The following CTTNBP2 variants were observed in gnomAD, a reference collection of about 807,000 sequenced individuals.
CTTNBP2 encodes cortactin-binding protein 2.
In CTTNBP2, 108 loss-of-function variants were observed where a neutral mutation model predicts 156.9. That is an observed-to-expected ratio of 0.69 (90% CI 0.59 to 0.81). CTTNBP2 has a LOEUF of 0.81. CTTNBP2 is among the 30% of genes least tolerant of loss of function. CTTNBP2 has a pLI of 0.00. For missense variants in CTTNBP2, 1,924 were observed against 2,035.4 expected, an observed-to-expected ratio of 0.95 and a Z score of 1.05; for synonymous variants, 767 against 751.8, an observed-to-expected ratio of 1.02 and a Z score of -0.33.
intron 22 of CTTNBP2, among the ~76,000 whole-genome samples, chr7:117,717,199 T>C (rs979998059): frequency 3.3e-5 from 5 of 152,202 alleles, no homozygotes; most frequent in African/African-American, 1.2e-4. Flanking sequence ...ATGGAAGCTA[T>C]TTCAAAAGGT....
intron 22 of CTTNBP2, among the ~76,000 whole-genome samples, chr7:117,712,599 G>GTAA (rs1161237152): frequency 1.3e-5 from 2 of 152,140 alleles, no homozygotes; most frequent in African/African-American, 2.4e-5. Flanking sequence ...CTCTTCAAAA[G>GTAA]TAATAATGCA....
At chr7:117,802,437 CAAAAAAAAAAA>C (rs759797673) in intron 3 of CTTNBP2, among the ~76,000 whole-genome samples, 246 of 83,778 alleles carry the variant, frequency 2.9e-3, no homozygotes, top group African/African-American at 7.6e-3. Flanking sequence ...TCAGCATTGG[CAAAAAAAAAAA>C]AAAAAAAAAC....
In CTTNBP2 at chr7:117,810,964, T is replaced by C. The variant is rs754572212; in HGVS notation, c.215A>G (p.Gln72Arg). ...TAGATTAAATCTCCCATACCGTTCC[T>C]GGATAAATACCTCCTTCCTGCGAGC... The part of the protein sequence containing the change: ...LRARRKEVFI[Q>R]ERYGRFNLND... Residue 72 changes from glutamine to arginine, a missense_variant, in exon 3 of 23, where the codon CAG (glutamine) becomes CGG (arginine). Gln to Arg is a conservative substitution (Grantham distance 43, BLOSUM62 1). Coordinates refer to ENST00000160373, the MANE Select transcript of CTTNBP2 (RefSeq NM_033427.3). The C allele has an allele frequency of 6.8e-6, 11 of 1,613,828 alleles. No individual in the cohort carries two copies. In the East Asian group the frequency reaches 1.3e-4, roughly 20 times the overall value.
chr7:117,757,678 G>T (rs1796963196), intron 11 of CTTNBP2, among the ~76,000 whole-genome samples, 197 bp downstream of exon 11: 1 of 152,076 alleles, frequency 6.6e-6, no homozygotes. Flanking sequence ...ACATTACCAT[G>T]GGTGTCAAGA....
At chr7:117,801,906 A>AT (rs201517444) in intron 3 of CTTNBP2, among the ~76,000 whole-genome samples, 3,534 of 152,006 alleles carry the variant, frequency 0.023, 63 homozygotes, top group African/African-American at 0.034. Context: ...TATTTTTTTT[A>AT]TTTTTTTATT....
Position 117,787,300 on chromosome 7 carries a change from T to A in CTTNBP2, c.2069-2846A>T, listed in dbSNP as rs190759622. ...TTGCAGTGTCATACGCAAACATTAG[T>A]AAGGTGAGCATCCTGCACAACATGC... On this transcript the variant is annotated intron_variant, in intron 4 of 22. Coordinates refer to ENST00000160373, the MANE Select transcript of CTTNBP2 (RefSeq NM_033427.3). Among the ~76,000 whole-genome samples, 194 of 152,200 alleles carry A rather than the reference T, an allele frequency of 1.3e-3. 2 individuals are homozygous for A. Among genetic ancestry groups the A allele is most frequent in the Non-Finnish European group, 2.1e-3 (144 of 68,002 alleles).
Position 117,760,513 on chromosome 7 carries a change from G to C in CTTNBP2, c.3094C>G (p.Leu1032Val), listed in dbSNP as rs904462705. The change falls in exon 10 of 23, where the codon CTG becomes GTG. Residue 1032 changes from leucine to valine, a missense_variant. Physicochemically the swap from Leu to Val is conservative, Grantham distance 32 (BLOSUM62 1). Coordinates refer to ENST00000160373, the MANE Select transcript of CTTNBP2 (RefSeq NM_033427.3). ...GTGTTATTGCAAGTCACGTCTTCCA[G>C]ACTCCACCATCCATCAGAAGAGATT... Reference protein sequence around the residue: ...QAISSDGWWSLEDVTCNNTTD... With the variant: ...QAISSDGWWSVEDVTCNNTTD... 2 of 1,614,134 alleles carry C rather than the reference G, an allele frequency of 1.2e-6. No homozygotes were observed.
Position 117,736,055 on chromosome 7 carries a change from C to T in CTTNBP2, c.3536-634G>A, listed in dbSNP as rs34312065. Among the ~76,000 whole-genome samples the T allele has an allele frequency of 9.9e-3, 1,504 of 152,284 alleles. 12 individuals carry two copies. The highest frequency in any genetic ancestry group is 0.028 in the South Asian group (137 of 4,830). ...ATTTTATTTTAAATTATTAATTAAT[C>T]TGTAAACATAAGTAGTATATATTTT... On this transcript the variant is annotated intron_variant, in intron 14 of 22. Coordinates refer to ENST00000160373, the MANE Select transcript of CTTNBP2 (RefSeq NM_033427.3).
intron 2 of CTTNBP2, among the ~76,000 whole-genome samples, chr7:117,813,648 C>T (rs1337195727): frequency 6.6e-6 from 1 of 152,158 alleles, no homozygotes; most frequent in African/African-American, 2.4e-5. Context: ...GCGTCTATCT[C>T]TCCTTCACGT....
At chr7:117,845,525 T>C (rs1802532240) in intron 2 of CTTNBP2, among the ~76,000 whole-genome samples, 1 of 152,178 alleles carries the variant, frequency 6.6e-6, no homozygotes, top group Admixed American at 6.5e-5. Context: ...AAAAAGGATA[T>C]CTTAAATAGC....
At chr7:117,815,228 T>C (rs2116992223) in intron 2 of CTTNBP2, among the ~76,000 whole-genome samples, 1 of 152,298 alleles carries the variant, frequency 6.6e-6, no homozygotes, top group South Asian at 2.1e-4. Flanking sequence ...TCTATCAAGC[T>C]TATAAATTAG....
chr7:117,834,327 T>A (rs1427714722), intron 2 of CTTNBP2, among the ~76,000 whole-genome samples: 1 of 152,182 alleles, frequency 6.6e-6, no homozygotes, highest in African/African-American at 2.4e-5. Context: ...AGTGCTGGGA[T>A]TACAGGTGTG....
chr7:117,771,127 T>C (rs1428715613), intron 8 of CTTNBP2, among the ~76,000 whole-genome samples: 1 of 152,076 alleles, frequency 6.6e-6, no homozygotes, highest in African/African-American at 2.4e-5. Flanking sequence ...AGGGATCCGT[T>C]ACTATGGACC....
chr7:117,721,254 A>G (rs1166887025), intron 19 of CTTNBP2, 124 bp from the exon 20 acceptor site: 2 of 656,786 alleles, frequency 3.0e-6, no homozygotes, highest in East Asian at 2.7e-5. Flanking sequence ...AGTATCCAGG[A>G]TTTGAGGAGA....
chr7:117,867,342 C>CCAGAAATCTCTTGTTCTCGCCAT (rs1804268490), intron 1 of CTTNBP2, among the ~76,000 whole-genome samples: 1 of 152,124 alleles, frequency 6.6e-6, no homozygotes, highest in Non-Finnish European at 1.5e-5. Context: ...TTTCCAGACT[C>CCAGAAATCTCTTGTTCTCGCCAT]CAGAAATCTC....
chr7:117,733,809 C>T (rs1365732152), intron 16 of CTTNBP2, among the ~76,000 whole-genome samples: 1 of 152,198 alleles, frequency 6.6e-6, no homozygotes, highest in Non-Finnish European at 1.5e-5. Context: ...AGCACAAATG[C>T]GTACACATAC....
chr7:117,782,383 T>G (rs951902349), intron 6 of CTTNBP2, among the ~76,000 whole-genome samples: 2 of 152,184 alleles, frequency 1.3e-5, no homozygotes, highest in Admixed American at 1.3e-4. Context: ...TATGTAAAAT[T>G]CATGCTTCCA....
chr7:117,848,218 G>A lies in CTTNBP2; in HGVS notation c.189+12991C>T, dbSNP rs182068114. Among the ~76,000 whole-genome samples the A allele has an allele frequency of 5.9e-5, 9 of 152,230 alleles. No individual in the cohort carries two copies. In the East Asian group the frequency reaches 1.5e-3, roughly 26 times the overall value. ...TGTTATGAGATCAAGCTGGCAAATGGTTTGAAGGTCACACAGCCCCATCTG... is the reference window on the plus strand; with the variant it reads ...TGTTATGAGATCAAGCTGGCAAATGATTTGAAGGTCACACAGCCCCATCTG... On this transcript the variant is annotated intron_variant, in intron 2 of 22. Coordinates refer to ENST00000160373, the MANE Select transcript of CTTNBP2 (RefSeq NM_033427.3).
In CTTNBP2 at chr7:117,766,935, C is replaced by T. The variant is rs182485218; in HGVS notation, c.2896+124G>A. On this transcript the variant is annotated intron_variant, in intron 9 of 22. Coordinates refer to ENST00000160373, the MANE Select transcript of CTTNBP2 (RefSeq NM_033427.3). ...ATCACACTTACAGTCAGTATTTTTGCCATAGCTAGGGCTCCAAAAAGGTTA... is the reference window on the plus strand; with the variant it reads ...ATCACACTTACAGTCAGTATTTTTGTCATAGCTAGGGCTCCAAAAAGGTTA... 39 of 648,956 alleles carry T rather than the reference C, an allele frequency of 6.0e-5. 1 individual carries two copies. The African/African-American group carries it at 6.4e-4, about 11-fold the overall frequency. 40.2% of individuals were successfully genotyped at this position (648,956 alleles called of 1,614,324 possible).
Sources: allele counts gnomAD v4.1 joint callset (sites outside exome capture counted in the v4.1 genomes callset), GRCh38; gene constraint gnomAD v4.1.1; transcripts MANE v1.5; gene names NCBI Gene and HGNC (gene_info 2026-07-23, HGNC 2026-07-21).